ZFP91: variants seen among roughly 807,000 people sequenced by gnomAD.
ZFP91 encodes ZFP91 zinc finger protein, atypical E3 ubiquitin ligase.
Under a neutral mutation model 63.5 loss-of-function variants are expected in ZFP91, and 7 were observed. The ratio of observed to expected loss-of-function variants is 0.11; its 90% CI spans 0.06 to 0.21. The LOEUF is 0.21. Among genes scored for constraint, ZFP91 ranks in the 10% least tolerant of loss-of-function variants. The pLI is 1.00. For missense variants in ZFP91, 628 were observed against 736.6 expected (o/e 0.85, Z 1.71); for synonymous variants, 330 against 272.1 (o/e 1.21, Z -2.10).
At position 58,614,142 on chromosome 11, in the gene ZFP91, C is replaced by T. The variant is rs561546161; in HGVS notation, c.988-87C>T. 4.0e-5 allele frequency: 31 copies of T among 774,424 alleles called. No homozygotes were observed. In the East Asian group the frequency reaches 7.2e-4, roughly 18 times the overall value. 48.0% of individuals were successfully genotyped at this position (774,424 alleles called of 1,614,324 possible). A position where few individuals can be genotyped will look rare whatever the true frequency, so the allele number is the denominator to read the frequency against. ...TGTGAAATCTAAGTATTTGGTTTTC[C>T]TTCAGTACTTTTGACTTAGCAAAGA... On this transcript the variant is annotated intron_variant, in intron 8 of 10. Transcript: ENST00000316059.
intron 2 of ZFP91, among the ~76,000 whole-genome samples, chr11:58,597,553 A>G (rs1044303969): frequency 6.6e-6 from 1 of 152,128 alleles, no homozygotes; most frequent in Non-Finnish European, 1.5e-5. Flanking sequence ...CTGACATTAA[A>G]TTCTTTCTTC....
rs757668035 is a variant in ZFP91 at position 58,617,382 on chromosome 11, T to G, written c.1389T>G (p.Ala463=). 2 of 1,613,834 alleles carry G rather than the reference T, an allele frequency of 1.2e-6. No homozygotes were observed. Among genetic ancestry groups the G allele is most frequent in the Non-Finnish European group, 1.7e-6 (2 of 1,179,874 alleles). Residue 463 remains alanine (A), a synonymous_variant, in exon 11 of 11, where the codon GCT becomes GCG. Transcript: ENST00000316059. The surrounding 1 kb of genome is among the most constrained non-coding windows in gnomAD (Gnocchi z 4.2). ...AGGTGCTGATTGCAGAAGCTCTGGC[T>G]GCCAATGCAGGCGCCCTCATCACCA... ...HPEVLIAEAL[A]ANAGALITST...
chr11:58,579,252 G>T lies in ZFP91; in HGVS notation c.-30G>T, dbSNP rs1395841946. The T allele has an allele frequency of 2.1e-6, 3 of 1,398,512 alleles. No homozygotes were observed. Among genetic ancestry groups the T allele is most frequent in the African/African-American group, 1.6e-5 (1 of 64,366 alleles). 86.6% of individuals were successfully genotyped at this position (1,398,512 alleles called of 1,614,324 possible). ...CGCCGCCTCCGCCTCCGCCGCCTAG[G>T]ACTAGGGGGTGGGGGACGGACAAGC... On this transcript the variant is annotated 5_prime_UTR_variant, in exon 1 of 11. Coordinates refer to ENST00000316059, the MANE Select transcript of ZFP91 (RefSeq NM_053023.5).
chr11:58,610,603 G>A (rs1855643939), intron 4 of ZFP91, among the ~76,000 whole-genome samples: 1 of 152,086 alleles, frequency 6.6e-6, no homozygotes, highest in African/African-American at 2.4e-5. Context: ...GGGTGTTTTG[G>A]CCAAGGTTTT....
At chr11:58,599,934 G>C (rs1855465702) in intron 2 of ZFP91, among the ~76,000 whole-genome samples, 1 of 152,040 alleles carries the variant, frequency 6.6e-6, no homozygotes, top group African/African-American at 2.4e-5. Flanking sequence ...ACCATTTCTT[G>C]AAGAGACTGT....
rs1590603587 is a variant in ZFP91, at chr11:58,579,214, G to A, written c.-68G>A. The A allele has an allele frequency of 1.5e-6, 2 of 1,292,200 alleles. No homozygotes were observed. Among genetic ancestry groups the A allele is most frequent in the Non-Finnish European group, 2.0e-6 (2 of 1,003,352 alleles). The allele number at this position is 1,292,200 out of a possible 1,614,324, so 80.0% of individuals were successfully genotyped here. A position where few individuals can be genotyped will look rare whatever the true frequency, so the allele number is the denominator to read the frequency against. On this transcript the variant is annotated 5_prime_UTR_variant, in exon 1 of 11. Coordinates refer to ENST00000316059, the MANE Select transcript of ZFP91 (RefSeq NM_053023.5). The stretch of plus-strand genomic sequence containing the variant: ...TTCGGGAGGCGAGGGGGCGGGGGGA[G>A]CAGCGCCGAGGCCGCCGCCTCCGCC...
chr11:58,591,668 A>G (rs1189947306), intron 2 of ZFP91, among the ~76,000 whole-genome samples: 1 of 152,148 alleles, frequency 6.6e-6, no homozygotes, highest in Non-Finnish European at 1.5e-5. Context: ...TTTTCTGGAC[A>G]TTTTGTGTAA....
At chr11:58,615,264 TAC>T (rs149886969) in intron 9 of ZFP91, among the ~76,000 whole-genome samples, 1,792 of 152,314 alleles carry the variant, frequency 0.012, 32 homozygotes, top group African/African-American at 0.041. Context: ...AGTTTTCTTA[TAC>T]CATGTTTCTT....
At chr11:58,584,971 C>T in intron 2 of ZFP91, 87 bp downstream of exon 2, 2 of 1,124,840 alleles carry the variant, frequency 1.8e-6, no homozygotes, top group Non-Finnish European at 2.4e-6. Flanking sequence ...AAATTGGTTC[C>T]CATTTAAAAG....
In ZFP91 at chr11:58,579,727, C is replaced by T. The variant is rs539802530; in HGVS notation, c.341+105C>T. The T allele has an allele frequency of 3.4e-5, 38 of 1,128,224 alleles. No individual in the cohort carries two copies. In the South Asian group the frequency reaches 6.4e-4, roughly 19 times the overall value. The allele number at this position is 1,128,224 out of a possible 1,614,324, so 69.9% of individuals were successfully genotyped here. A position where few individuals can be genotyped will look rare whatever the true frequency, so the allele number is the denominator to read the frequency against. ...CCACGTGACATCCTGCCTGGTCTGCCCCCTGCCGGCTCCGCACGCCAGATG... is the reference window on the plus strand; with the variant it reads ...CCACGTGACATCCTGCCTGGTCTGCTCCCTGCCGGCTCCGCACGCCAGATG... On this transcript the variant is annotated intron_variant, in intron 1 of 10. Coordinates refer to ENST00000316059, the MANE Select transcript of ZFP91 (RefSeq NM_053023.5).
At chr11:58,614,456 C>T (rs565358076) in intron 9 of ZFP91, 113 bp downstream of exon 9, 241 of 724,770 alleles carry the variant, frequency 3.3e-4, no homozygotes, top group African/African-American at 3.2e-3. Context: ...TAGTCAAGTG[C>T]GGGGAAAAGG....
At chr11:58,610,363 A>G in intron 4 of ZFP91, 29 bp downstream of exon 4, 1 of 1,571,014 alleles carries the variant, frequency 6.4e-7, no homozygotes, top group Non-Finnish European at 8.6e-7. Context: ...TTTCATTTTT[A>G]AACCTTTGGG....
At chr11:58,596,361 C>A (rs568032223) in intron 2 of ZFP91, among the ~76,000 whole-genome samples, 7 of 152,254 alleles carry the variant, frequency 4.6e-5, no homozygotes, top group Non-Finnish European at 7.4e-5. Flanking sequence ...TTCTGCCTGA[C>A]TTCTTTTTTG....
intron 9 of ZFP91, among the ~76,000 whole-genome samples, chr11:58,616,331 A>C (rs927524048): frequency 6.6e-6 from 1 of 152,032 alleles, no homozygotes; most frequent in Non-Finnish European, 1.5e-5. Context: ...GTAATCATTC[A>C]GTTTTCATTG....
rs562722694 is a variant in ZFP91 at position 58,594,750 on chromosome 11, T to TA, written c.370+9871dup. On this transcript the variant is annotated intron_variant, in intron 2 of 10. Transcript: ENST00000316059. ...TAGGCATTAATACACAGTGTTGATT[T>TA]AAAAATGAGTAAACTGTTTTGGAAT... Among the ~76,000 whole-genome samples the TA allele has an allele frequency of 1.1e-3, 175 of 152,374 alleles. 1 individual carries two copies. The highest frequency in any genetic ancestry group is 3.8e-3 in the African/African-American group (157 of 41,598).
At chr11:58,580,626 C>G (rs897746865) in intron 1 of ZFP91, among the ~76,000 whole-genome samples, 2 of 152,166 alleles carry the variant, frequency 1.3e-5, no homozygotes, top group Admixed American at 1.3e-4. Context: ...TTGACTTACA[C>G]CAGACCTAAT....
chr11:58,592,540 A>G (rs1855325067), intron 2 of ZFP91, among the ~76,000 whole-genome samples: 1 of 152,160 alleles, frequency 6.6e-6, no homozygotes, highest in Non-Finnish European at 1.5e-5. Flanking sequence ...CGTGGGTGGA[A>G]CCAGAGGACA....
chr11:58,620,923 A>G lies in ZFP91; in HGVS notation c.*3217A>G, dbSNP rs988271349. 2.6e-5 allele frequency: 4 copies of G among 152,650 alleles called. No homozygotes were observed. The South Asian group carries it at 6.2e-4, about 24-fold the overall frequency. 9.5% of individuals were successfully genotyped at this position (152,650 alleles called of 1,614,324 possible). A position where few individuals can be genotyped will look rare whatever the true frequency, so the allele number is the denominator to read the frequency against. On this transcript the variant is annotated 3_prime_UTR_variant, in exon 11 of 11. Transcript: ENST00000316059. ...TGAATATAGGTTGAAAAGGTTATGT[A>G]AAAAGAAATTATAATAAAAGGGATA...
At chr11:58,605,344 A>G (rs1855553753) in intron 2 of ZFP91, among the ~76,000 whole-genome samples, 1 of 152,242 alleles carries the variant, frequency 6.6e-6, no homozygotes, top group Non-Finnish European at 1.5e-5. Flanking sequence ...TCAAAAGTAC[A>G]ATATCATATT....
Sources: allele counts gnomAD v4.1 joint callset (sites outside exome capture counted in the v4.1 genomes callset), GRCh38; gene constraint gnomAD v4.1.1; non-coding constraint Gnocchi (gnomAD v3.1); transcripts MANE v1.5; gene names NCBI Gene and HGNC (gene_info 2026-07-23, HGNC 2026-07-21).